The following ZNF420 variants were observed in gnomAD, a reference collection of about 807,000 sequenced individuals.
The protein encoded by ZNF420 is zinc finger protein 420, also known as ATM and p53-associated KZNF protein.
Under a neutral mutation model 44.7 loss-of-function variants are expected in ZNF420, and 31 were observed. That is an observed-to-expected ratio of 0.69 (90% CI 0.52 to 0.94). The LOEUF (loss-of-function observed/expected upper bound fraction) is 0.94, where lower values mean the gene tolerates loss of function less well. Ranked by LOEUF, ZNF420 falls within the 40% of genes least tolerant of loss-of-function variation. The pLI is 0.00. For missense variants in ZNF420, 681 were observed against 827.9 expected, an observed-to-expected ratio of 0.82 and a Z score of 2.18; for synonymous variants, 245 against 267.4, an observed-to-expected ratio of 0.92 and a Z score of 0.82.
intron 1 of ZNF420, among the ~76,000 whole-genome samples, chr19:37,017,706 G>A (rs1038745443): frequency 6.6e-6 from 1 of 152,070 alleles, no homozygotes; most frequent in African/African-American, 2.4e-5. Flanking sequence ...AACCCACAGT[G>A]GACAGCACAC....
chr19:37,079,313 T>C (rs537467483), intron 1 of ZNF420, among the ~76,000 whole-genome samples: 2 of 152,286 alleles, frequency 1.3e-5, no homozygotes, highest in Non-Finnish European at 2.9e-5. Context: ...TGTGACCTTA[T>C]GGGGGTTTAG....
At chr19:37,016,441 G>A (rs2074609494) in intron 1 of ZNF420, among the ~76,000 whole-genome samples, 1 of 152,186 alleles carries the variant, frequency 6.6e-6, no homozygotes, top group Non-Finnish European at 1.5e-5. Context: ...ATCCCTGAAC[G>A]GGGCTTGGAC....
rs540871625 is a variant in ZNF420, at chr19:37,105,301, A to G, written c.136+14180A>G. ...TTTTGTCAGGTTTGTCAAAGATCAG[A>G]TGGTTGTAGATGGGTGGTATTATTT... is the stretch of plus-strand genomic sequence containing the variant. On this transcript the variant is annotated intron_variant, in intron 4 of 4. Transcript: ENST00000337995. Among the ~76,000 whole-genome samples, 491 of 152,208 alleles carry G rather than the reference A, an allele frequency of 3.2e-3. 5 individuals carry two copies. Among genetic ancestry groups the G allele is most frequent in the African/African-American group, 0.011 (472 of 41,514 alleles).
At chr19:37,077,208 T>G (rs1295349799), upstream of ZNF420, among the ~76,000 whole-genome samples, 2 of 152,230 alleles carry the variant, frequency 1.3e-5, no homozygotes, top group Non-Finnish European at 2.9e-5. Flanking sequence ...CTTAAGTTAC[T>G]TTCTGCCGGC....
chr19:37,029,521 T>TTTTTTC (rs904115648), intron 1 of ZNF420, among the ~76,000 whole-genome samples: 1 of 152,042 alleles, frequency 6.6e-6, no homozygotes, highest in South Asian at 2.1e-4. Flanking sequence ...TCCTTTAATT[T>TTTTTTC]TTTTTCTTTT....
intron 1 of ZNF420, among the ~76,000 whole-genome samples, chr19:37,061,921 T>C (rs1353228421): frequency 6.6e-6 from 1 of 152,222 alleles, no homozygotes. Context: ...GTGACAATCA[T>C]TGCTCTGAGC....
intron 4 of ZNF420, among the ~76,000 whole-genome samples, chr19:37,113,564 T>G (rs1220098557): frequency 1.3e-5 from 2 of 152,190 alleles, no homozygotes; most frequent in African/African-American, 4.8e-5. Context: ...TCATTGGTAA[T>G]TGACTTTTGA....
rs776620566 is a variant in ZNF420 at position 37,127,358 on chromosome 19, C to G, written c.367C>G (p.His123Asp). ...TGACAAAATGTCCATTTTCAACCAG[C>G]ATACTTACTTATCTCAACATTCAAG... ...IYDKMSIFNQ[H>D]TYLSQHSRCH... The change falls in exon 5 of 5, where the codon CAT (histidine) becomes GAT (aspartate). Residue 123 changes from histidine (H) to aspartate (D), a missense_variant. Physicochemically the swap from His to Asp is moderately conservative, Grantham distance 81. Coordinates refer to ENST00000337995, the MANE Select transcript of ZNF420 (RefSeq NM_144689.5). 1.2e-6 allele frequency: 2 copies of G among 1,612,606 alleles called. No homozygotes were observed. The highest frequency in any genetic ancestry group is 3.3e-5 in the Admixed American group (2 of 59,958).
chr19:37,021,730 A>G (rs1414475000), intron 1 of ZNF420, among the ~76,000 whole-genome samples: 1 of 151,186 alleles, frequency 6.6e-6, no homozygotes, highest in Non-Finnish European at 1.5e-5. Context: ...CGAGGTCAGG[A>G]GTTGGAGACA....
Position 37,129,164 on chromosome 19 carries a change from C to T in ZNF420, c.*106C>T. On this transcript the variant is annotated 3_prime_UTR_variant, in exon 5 of 5. Coordinates refer to ENST00000337995, the MANE Select transcript of ZNF420 (RefSeq NM_144689.5). ...CGCACATTTGCCTCATAAAGCACAG[C>T]ATCAGATAATTTATGTGAGAGAAAA... 7.4e-7 allele frequency: 1 copy of T among 1,354,192 alleles called. No individual in the cohort carries two copies. The highest frequency in any genetic ancestry group is 2.3e-5 in the East Asian group (1 of 43,238). 83.9% of individuals were successfully genotyped at this position (1,354,192 alleles called of 1,614,324 possible).
chr19:37,021,417 G>A (rs1165950124), intron 1 of ZNF420, among the ~76,000 whole-genome samples: 1 of 152,056 alleles, frequency 6.6e-6, no homozygotes, highest in Non-Finnish European at 1.5e-5. Flanking sequence ...ACAGGCATAT[G>A]CCACCACACC....
intron 1 of ZNF420, among the ~76,000 whole-genome samples, chr19:37,070,605 G>T (rs542033027): frequency 1.2e-4 from 18 of 152,214 alleles, no homozygotes; most frequent in Non-Finnish European, 2.2e-4. Context: ...GGTTTCAGTA[G>T]GCATTTCACA....
intron 4 of ZNF420, among the ~76,000 whole-genome samples, chr19:37,095,508 C>T (rs1439449049): frequency 1.3e-5 from 2 of 151,954 alleles, no homozygotes; most frequent in Non-Finnish European, 2.9e-5. Context: ...TATTTGTATG[C>T]TATTCCTCTT....
rs189620043 is a variant in ZNF420, at chr19:37,016,468, C to G, written c.-125+8386C>G. 3.2e-3 allele frequency among the ~76,000 whole-genome samples: 486 copies of G among 152,324 alleles called. 1 individual carries two copies. The highest frequency in any genetic ancestry group is 9.9e-3 in the Admixed American group (151 of 15,298). On this transcript the variant is annotated intron_variant, in intron 1 of 4. Transcript: ENST00000587029. ...GGCTTGGACTCTAGCACAGGCCCCT[C>G]CTGTGGTCCCAGTTGTGCTTTGCTT...
intron 1 of ZNF420, among the ~76,000 whole-genome samples, chr19:37,009,657 A>AG (rs1170175248): frequency 6.6e-6 from 1 of 152,152 alleles, no homozygotes; most frequent in African/African-American, 2.4e-5. Context: ...CCCAGGGAGG[A>AG]GGGAGGCAGA....
intron 1 of ZNF420, among the ~76,000 whole-genome samples, chr19:37,069,753 A>T (rs981461157): frequency 6.6e-6 from 1 of 152,130 alleles, no homozygotes; most frequent in Non-Finnish European, 1.5e-5. Context: ...AACCATTGTA[A>T]GTTGGAGACT....
intron 1 of ZNF420, among the ~76,000 whole-genome samples, chr19:37,021,936 CAAAAAAAAAAAAA>C (rs60559933): frequency 2.4e-5 from 2 of 84,586 alleles, no homozygotes; most frequent in Admixed American, 1.4e-4. Flanking sequence ...CAGTCTGTCT[CAAAAAAAAAAAAA>C]AAAAAAAAAA....
intron 1 of ZNF420, among the ~76,000 whole-genome samples, chr19:37,038,817 G>A (rs1426731221): frequency 6.6e-6 from 1 of 151,848 alleles, no homozygotes; most frequent in East Asian, 1.9e-4. Context: ...GAGAAGCCCC[G>A]TCTCTACTAA....
chr19:37,038,644 C>A (rs1399828741), intron 1 of ZNF420, among the ~76,000 whole-genome samples: 1 of 152,142 alleles, frequency 6.6e-6, no homozygotes, highest in Non-Finnish European at 1.5e-5. Flanking sequence ...ATAAGCAACT[C>A]CTCATCCATT....
Sources: gnomAD v4.1 joint callset for allele counts (sites outside exome capture counted in the v4.1 genomes callset) on GRCh38, gnomAD v4.1.1 for gene constraint, MANE v1.5 for transcripts, NCBI Gene and HGNC (gene_info 2026-07-23, HGNC 2026-07-21) for gene names.